The following KCNIP3 variants were observed in gnomAD, a reference collection of about 807,000 sequenced individuals.
The protein encoded by KCNIP3 is potassium voltage-gated channel interacting protein 3.
A neutral mutation model predicts 35.0 loss-of-function variants in KCNIP3; 28 were observed. That is an observed-to-expected ratio of 0.80 (90% confidence interval 0.59 to 1.10). The LOEUF is 1.10. KCNIP3 is among the 50% of genes least tolerant of loss of function. KCNIP3 has a pLI of 0.00. For missense variants in KCNIP3, 295 were observed against 338.4 expected (o/e 0.87, Z 1.01); for synonymous variants, 134 against 133.8 (o/e 1.00, Z -0.01).
chr2:95,348,043 G>A (rs1477723413), intron 2 of KCNIP3, among the ~76,000 whole-genome samples: 12 of 152,260 alleles, frequency 7.9e-5, no homozygotes, highest in Non-Finnish European at 1.3e-4. Flanking sequence ...AGGAAGCAAG[G>A]CTTCCCTCCA....
intron 2 of KCNIP3, among the ~76,000 whole-genome samples, chr2:95,360,623 T>A (rs1210627160): frequency 6.6e-6 from 1 of 152,232 alleles, no homozygotes. Context: ...TAATTTATAA[T>A]GAACAGATAT....
intron 2 of KCNIP3, among the ~76,000 whole-genome samples, chr2:95,326,030 C>T (rs1296870614): frequency 2.6e-5 from 4 of 151,706 alleles, no homozygotes; most frequent in South Asian, 2.1e-4. Flanking sequence ...TTCACTCATA[C>T]ACACATACAC....
Position 95,317,672 on chromosome 2 carries a change from A to G in KCNIP3, c.181+7152A>G, listed in dbSNP as rs1375712505. On this transcript the variant is annotated intron_variant, in intron 2 of 8. Coordinates refer to ENST00000295225, the MANE Select transcript of KCNIP3 (RefSeq NM_013434.5). The stretch of plus-strand genomic sequence containing the variant: ...GAGACGCTGCTTTTGAGAGACAGAG[A>G]CAGACAGACAGACCAGGAGTGGGGA... Among the ~76,000 whole-genome samples, 2 of 152,126 alleles carry G rather than the reference A, an allele frequency of 1.3e-5. 1 individual carries two copies. Among genetic ancestry groups the G allele is most frequent in the Non-Finnish European group, 2.9e-5 (2 of 68,010 alleles).
At chr2:95,338,891 A>G (rs1384879147) in intron 2 of KCNIP3, among the ~76,000 whole-genome samples, 2 of 152,140 alleles carry the variant, frequency 1.3e-5, no homozygotes, top group African/African-American at 4.8e-5. Context: ...AGTTTGAGGA[A>G]CTTTTCTAAT....
chr2:95,311,495 G>A (rs1186849608), intron 2 of KCNIP3: 1 of 152,224 alleles, frequency 6.6e-6, no homozygotes, highest in East Asian at 1.9e-4. Flanking sequence ...CCCTGGCCAG[G>A]AGAATGGGCA....
In KCNIP3 at chr2:95,300,667, C is replaced by T. The variant is rs113600299; in HGVS notation, c.15+3214C>T. ...GACTGATGTTGCCTTTGAGCAGGTG[C>T]GTCTGTCATCTGAGATCAGCCCATG... On this transcript the variant is annotated intron_variant, in intron 1 of 8. Coordinates refer to ENST00000295225, the MANE Select transcript of KCNIP3 (RefSeq NM_013434.5). Among the ~76,000 whole-genome samples, 266 of 152,324 alleles carry T rather than the reference C, an allele frequency of 1.7e-3. 1 individual carries two copies. The highest frequency in any genetic ancestry group is 2.6e-3 in the African/African-American group (107 of 41,578).
chr2:95,366,095 C>T (rs1263032127), intron 2 of KCNIP3, among the ~76,000 whole-genome samples: 1 of 152,192 alleles, frequency 6.6e-6, no homozygotes, highest in African/African-American at 2.4e-5. Flanking sequence ...AGTCCTCCCA[C>T]CTCAGCCTCC....
rs529178214 is a variant in KCNIP3, at chr2:95,305,338, G to A, written c.16-5017G>A. Reference sequence around the variant, plus strand: ...GTATTTTTTGATGGAAATCTTTATTGAGCTCGTTGTAGATTCACATGCAGT... The same window carrying A: ...GTATTTTTTGATGGAAATCTTTATTAAGCTCGTTGTAGATTCACATGCAGT... On this transcript the variant is annotated intron_variant, in intron 1 of 8. Transcript: ENST00000295225. Among the ~76,000 whole-genome samples the A allele has an allele frequency of 2.0e-5, 3 of 152,198 alleles. No individual in the cohort carries two copies. In the East Asian group the frequency reaches 5.8e-4, roughly 29 times the overall value.
At chr2:95,356,600 T>C (rs1679661034) in intron 2 of KCNIP3, among the ~76,000 whole-genome samples, 2 of 152,222 alleles carry the variant, frequency 1.3e-5, no homozygotes, top group South Asian at 2.1e-4. Context: ...ATTTATTAAA[T>C]AGGGAATCGT....
At chr2:95,332,349 C>T (rs968384415) in intron 2 of KCNIP3, among the ~76,000 whole-genome samples, 12 of 152,286 alleles carry the variant, frequency 7.9e-5, no homozygotes, top group African/African-American at 2.4e-4. Flanking sequence ...CTTGGTGGCT[C>T]ATGCCTATAA....
intron 2 of KCNIP3, among the ~76,000 whole-genome samples, chr2:95,334,311 A>G (rs1180314645): frequency 6.6e-6 from 1 of 152,152 alleles, no homozygotes; most frequent in East Asian, 1.9e-4. Context: ...CCCTGTTTAC[A>G]GCACACTTGC....
At chr2:95,350,811 T>C (rs1679497511) in intron 2 of KCNIP3, among the ~76,000 whole-genome samples, 1 of 152,246 alleles carries the variant, frequency 6.6e-6, no homozygotes, top group Non-Finnish European at 1.5e-5. Context: ...CATCGAACTC[T>C]AAATCTCTGG....
intron 2 of KCNIP3, among the ~76,000 whole-genome samples, chr2:95,341,342 C>T (rs984879792): frequency 6.6e-6 from 1 of 152,192 alleles, no homozygotes; most frequent in Non-Finnish European, 1.5e-5. Context: ...ACCACGCTGC[C>T]TGGTCAGCCT....
chr2:95,355,024 T>G (rs1364367565), intron 2 of KCNIP3: 1 of 152,304 alleles, frequency 6.6e-6, no homozygotes, highest in African/African-American at 2.4e-5. Context: ...TATCCCAATC[T>G]TGTCCTCATG....
At chr2:95,297,493 TCG>T in intron 1 of KCNIP3, 40 bp downstream of exon 1, 1 of 155,494 alleles carries the variant, frequency 6.4e-6, no homozygotes, top group Non-Finnish European at 1.1e-5. Flanking sequence ...TGGAGGGGGG[TCG>T]GGGGGAGGAA....
chr2:95,302,387 G>A (rs1449048662), intron 1 of KCNIP3, among the ~76,000 whole-genome samples: 1 of 152,250 alleles, frequency 6.6e-6, no homozygotes, highest in Non-Finnish European at 1.5e-5. Flanking sequence ...CTATTGAGGA[G>A]CTTTATAAGA....
chr2:95,381,808 C>T, intron 6 of KCNIP3, 105 bp downstream of exon 6: 1 of 803,488 alleles, frequency 1.2e-6, no homozygotes, highest in South Asian at 1.6e-5. Context: ...CTGTCTTCTC[C>T]CGCTGTCCAT....
intron 2 of KCNIP3, among the ~76,000 whole-genome samples, chr2:95,358,657 T>A (rs1272111664): frequency 1.3e-5 from 2 of 152,216 alleles, no homozygotes; most frequent in African/African-American, 4.8e-5. Context: ...GGGGCTGGCA[T>A]CTGGCGAGGG....
chr2:95,327,903 C>T (rs1229091687), intron 2 of KCNIP3, among the ~76,000 whole-genome samples: 1 of 152,236 alleles, frequency 6.6e-6, no homozygotes, highest in African/African-American at 2.4e-5. Flanking sequence ...TCCAATCTCA[C>T]CCCAAACACT....
Sources: gnomAD v4.1 joint callset for allele counts (sites outside exome capture counted in the v4.1 genomes callset) on GRCh38, gnomAD v4.1.1 for gene constraint, MANE v1.5 for transcripts, NCBI Gene and HGNC (gene_info 2026-07-23, HGNC 2026-07-21) for gene names.